ARHGEF26: variants seen among roughly 807,000 people sequenced by gnomAD.
ARHGEF26 encodes the protein Rho guanine nucleotide exchange factor 26.
In ARHGEF26, 59 loss-of-function variants were observed where a neutral mutation model predicts 89.4. The ratio of observed to expected loss-of-function variants is 0.66; its 90% CI spans 0.54 to 0.82. The LOEUF is 0.82. Ranked by LOEUF, ARHGEF26 falls within the 40% of genes least tolerant of loss-of-function variation. The pLI is 0.00. For synonymous variants in ARHGEF26, 500 were observed against 428.4 expected (o/e 1.17, Z -2.06); for missense variants, 1,234 against 1,085.6 (o/e 1.14, Z -1.92).
chr3:154,196,597 TAAAA>T (rs1714305550), intron 9 of ARHGEF26, among the ~76,000 whole-genome samples: 1 of 152,206 alleles, frequency 6.6e-6, no homozygotes, highest in Admixed American at 6.6e-5. Context: ...ATTTTTGTAG[TAAAA>T]GTAAGTGTAT....
chr3:154,180,030 C>G (rs1349447066), intron 6 of ARHGEF26, among the ~76,000 whole-genome samples: 1 of 152,102 alleles, frequency 6.6e-6, no homozygotes, highest in Non-Finnish European at 1.5e-5. Flanking sequence ...CTAGAAGTCA[C>G]TTTTGTATCG....
intron 4 of ARHGEF26, among the ~76,000 whole-genome samples, chr3:154,132,837 C>T (rs1718769568): frequency 6.6e-6 from 1 of 151,910 alleles, no homozygotes; most frequent in Non-Finnish European, 1.5e-5. Context: ...ATCATCCTTC[C>T]ATGCTTAATT....
At chr3:154,220,602 G>A (rs57334354) in intron 10 of ARHGEF26, among the ~76,000 whole-genome samples, 1,771 of 152,256 alleles carry the variant, frequency 0.012, 33 homozygotes, top group African/African-American at 0.041. Flanking sequence ...AGAGGAGCAG[G>A]GTGGAGCTAC....
At chr3:154,228,946 C>T (rs1457304607) in intron 11 of ARHGEF26, among the ~76,000 whole-genome samples, 1 of 152,170 alleles carries the variant, frequency 6.6e-6, no homozygotes, top group Non-Finnish European at 1.5e-5. Context: ...CAGTGGTTTT[C>T]CTCTTCAGGG....
chr3:154,125,549 C>G (rs1276916827), intron 3 of ARHGEF26, among the ~76,000 whole-genome samples: 1 of 152,140 alleles, frequency 6.6e-6, no homozygotes, highest in African/African-American at 2.4e-5. Context: ...TCTTATAGCA[C>G]TCTGACTATG....
At chr3:154,163,468 A>G (rs1266475947) in intron 6 of ARHGEF26, among the ~76,000 whole-genome samples, 1 of 152,186 alleles carries the variant, frequency 6.6e-6, no homozygotes. Context: ...TCAAAAATAC[A>G]TATATATTGT....
intron 6 of ARHGEF26, among the ~76,000 whole-genome samples, chr3:154,155,476 A>G (rs1323034942): frequency 6.6e-6 from 1 of 152,040 alleles, no homozygotes; most frequent in Non-Finnish European, 1.5e-5. Flanking sequence ...CTGCTCAAAA[A>G]GTTAGAAGCT....
intron 6 of ARHGEF26, among the ~76,000 whole-genome samples, chr3:154,173,064 G>T (rs914788788): frequency 1.3e-5 from 2 of 152,094 alleles, no homozygotes; most frequent in Non-Finnish European, 2.9e-5. Context: ...TTACAGCAAC[G>T]TTTACTTTAT....
At chr3:154,215,859 T>C (rs947283727) in intron 9 of ARHGEF26, among the ~76,000 whole-genome samples, 2 of 152,120 alleles carry the variant, frequency 1.3e-5, no homozygotes, top group Non-Finnish European at 2.9e-5. Flanking sequence ...ACACTGAGGT[T>C]AGGATTTCAA....
intron 9 of ARHGEF26, among the ~76,000 whole-genome samples, chr3:154,213,216 A>AGAGAGT (rs1553747872): frequency 6.6e-4 from 94 of 142,026 alleles, no homozygotes; most frequent in African/African-American, 1.6e-3. Context: ...AGAGAGAGAG[A>AGAGAGT]GTGTGTGTGT....
intron 11 of ARHGEF26, among the ~76,000 whole-genome samples, chr3:154,226,677 A>G (rs1256261208): frequency 6.6e-6 from 1 of 151,854 alleles, no homozygotes; most frequent in Non-Finnish European, 1.5e-5. Flanking sequence ...ACACACACAC[A>G]CACACACACA....
At chr3:154,175,089 A>G (rs1438685653) in intron 6 of ARHGEF26, among the ~76,000 whole-genome samples, 1 of 152,196 alleles carries the variant, frequency 6.6e-6, no homozygotes, top group African/African-American at 2.4e-5. Context: ...TGAATTTACC[A>G]TTCTGTGTCA....
At chr3:154,235,078 T>C (rs1717040248) in intron 11 of ARHGEF26, among the ~76,000 whole-genome samples, 1 of 152,174 alleles carries the variant, frequency 6.6e-6, no homozygotes, top group Non-Finnish European at 1.5e-5. Flanking sequence ...TTCCACAATC[T>C]TTCTGGCTAT....
chr3:154,130,147 ATTTT>A (rs55816788), intron 4 of ARHGEF26, among the ~76,000 whole-genome samples: 1 of 105,952 alleles, frequency 9.4e-6, no homozygotes, highest in South Asian at 3.0e-4. Flanking sequence ...TTCCTTGGAA[ATTTT>A]TTTTTTTTTT....
chr3:154,204,778 A>G (rs993688271), intron 9 of ARHGEF26, among the ~76,000 whole-genome samples: 1 of 152,130 alleles, frequency 6.6e-6, no homozygotes, highest in African/African-American at 2.4e-5. Context: ...TCTTTAACCT[A>G]CTGGTCATTC....
Position 154,129,817 on chromosome 3 carries a change from G to A in ARHGEF26, c.1269+98G>A, listed in dbSNP as rs544320181. On this transcript the variant is annotated intron_variant, in intron 4 of 14. Coordinates refer to ENST00000465093, the MANE Select transcript of ARHGEF26 (RefSeq NM_015595.4). ...TTTGTTCTTTTCTGCCAGTGATCCT[G>A]TAACTAAGGAGAAAGACTCTTTTTA... 1,573 of 1,332,980 alleles carry A rather than the reference G, an allele frequency of 1.2e-3. 41 individuals carry two copies. The South Asian group carries it at 0.022, about 19-fold the overall frequency. 82.6% of individuals were successfully genotyped at this position (1,332,980 alleles called of 1,614,324 possible).
At chr3:154,192,354 T>C (rs1002811700) in intron 8 of ARHGEF26, among the ~76,000 whole-genome samples, 7 of 152,250 alleles carry the variant, frequency 4.6e-5, no homozygotes, top group African/African-American at 1.7e-4. Flanking sequence ...TTGTAAATTC[T>C]AAAATACATT....
chr3:154,138,252 T>C (rs1458110564), intron 4 of ARHGEF26, among the ~76,000 whole-genome samples: 1 of 150,162 alleles, frequency 6.7e-6, no homozygotes, highest in Non-Finnish European at 1.5e-5. Context: ...ATTTTTTTAA[T>C]AATTTTTGTT....
Position 154,129,612 on chromosome 3 carries a change from C to T in ARHGEF26, c.1162C>T (p.Leu388Phe). 1 of 1,611,730 alleles carries T rather than the reference C, an allele frequency of 6.2e-7. No homozygotes were observed. The highest frequency in any genetic ancestry group is 8.5e-7 in the Non-Finnish European group (1 of 1,178,888). The change falls in exon 4 of 15, where the codon CTT becomes TTT. Residue 388 changes from leucine (L) to phenylalanine (F), a missense_variant. Leu to Phe is a conservative substitution (Grantham distance 22). Coordinates refer to ENST00000465093, the MANE Select transcript of ARHGEF26 (RefSeq NM_015595.4). ...GTATCAAAACTACAAGGAAAAGGCC[C>T]TTGACATTGATTCTGATGAAGAGTC... ...VLYQNYKEKA[L>F]DIDSDEESEP... is the part of the protein sequence containing the mutation.
Sources: allele counts gnomAD v4.1 joint callset (sites outside exome capture counted in the v4.1 genomes callset), GRCh38; gene constraint gnomAD v4.1.1; transcripts MANE v1.5; gene names NCBI Gene and HGNC (gene_info 2026-07-23, HGNC 2026-07-21).